The following TECTA variants were observed in gnomAD, a reference collection of about 807,000 sequenced individuals.
TECTA encodes tectorin alpha.
TECTA carries 128 observed loss-of-function variants against 216.8 expected under a neutral mutation model. The ratio of observed to expected loss-of-function variants is 0.59; its 90% CI spans 0.51 to 0.68. The LOEUF is 0.68. Ranked by LOEUF, TECTA falls within the 30% of genes least tolerant of loss-of-function variation. The probability of loss-of-function intolerance (pLI) is 0.00; values close to 1 mark genes in which losing one functional copy is unlikely to be tolerated. For synonymous variants in TECTA, 1,089 were observed against 1,117.1 expected (o/e 0.97, Z 0.50); for missense variants, 2,551 against 2,786.2 (o/e 0.92, Z 1.90).
intron 20 of TECTA, among the ~76,000 whole-genome samples, chr11:121,175,982 G>T (rs1157738108): frequency 6.6e-6 from 1 of 151,516 alleles, no homozygotes; most frequent in Non-Finnish European, 1.5e-5. Flanking sequence ...TTGGTTTAAA[G>T]TCTGTTTTAT....
intron 2 of TECTA, among the ~76,000 whole-genome samples, chr11:121,104,805 C>T (rs568779514): frequency 7.9e-5 from 12 of 151,704 alleles, no homozygotes; most frequent in East Asian, 5.8e-4. Flanking sequence ...GAAGTGTGGC[C>T]GATGCCCAGC....
Position 121,190,942 on chromosome 11 carries a change from G to A in TECTA, c.*136G>A, listed in dbSNP as rs1947335042. 2 of 695,644 alleles carry A rather than the reference G, an allele frequency of 2.9e-6. No homozygotes were observed. The highest frequency in any genetic ancestry group is 4.3e-5 in the Admixed American group (2 of 46,622). 43.1% of individuals were successfully genotyped at this position (695,644 alleles called of 1,614,324 possible). On this transcript the variant is annotated 3_prime_UTR_variant, in exon 24 of 24. Transcript: ENST00000392793. ...AAAATGATGCCACCTGCCTCCAATG[G>A]TCCAAGGTCCAGAAACCAGCGACCA...
chr11:121,137,872 C>G lies in TECTA; in HGVS notation c.3393C>G (p.Ser1131Arg). ...CACTCATCCTGTGCACCACAGGAAG[C>G]AGGCCAAGCTCAGACTCTTTCCCCA... ...SCPLILCTTG[S>R]RPSSDSFPKF... Residue 1131 changes from serine to arginine, a missense_variant, in exon 11 of 24, where the codon AGC (serine) becomes AGG (arginine). By Grantham distance (110) the Ser-to-Arg change is moderately radical. Around this residue, in one of 3 missense-constraint regions of TECTA, gnomAD observed 2,375 missense variants for 2,563.9 expected, o/e 0.93. Transcript: ENST00000392793. 8 of 1,604,450 alleles carry G rather than the reference C, an allele frequency of 5.0e-6. No homozygotes were observed. The highest frequency in any genetic ancestry group is 5.1e-6 in the Non-Finnish European group (6 of 1,172,572).
intron 18 of TECTA, among the ~76,000 whole-genome samples, 159 bp from the exon 19 acceptor site, chr11:121,167,895 C>T (rs1288652108): frequency 6.6e-6 from 1 of 151,840 alleles, no homozygotes; most frequent in Non-Finnish European, 1.5e-5. Flanking sequence ...TTTTTTTCCC[C>T]CAAGTAAATG....
At chr11:121,122,942 T>G (rs1946573509) in intron 7 of TECTA, among the ~76,000 whole-genome samples, 1 of 152,148 alleles carries the variant, frequency 6.6e-6, no homozygotes, top group African/African-American at 2.4e-5. Flanking sequence ...TACATTGTAG[T>G]GAATGGACCA....
chr11:121,186,893 A>G (rs1260021051), intron 20 of TECTA, among the ~76,000 whole-genome samples: 2 of 152,294 alleles, frequency 1.3e-5, no homozygotes, highest in African/African-American at 4.8e-5. Context: ...CCATTTGTTC[A>G]CTCATTCATT....
At chr11:121,133,474 A>C (rs191982534) in intron 10 of TECTA, among the ~76,000 whole-genome samples, 8 of 152,374 alleles carry the variant, frequency 5.3e-5, no homozygotes, top group Admixed American at 1.3e-4. Context: ...TGGGGAACTC[A>C]GTACAGACCT....
Position 121,113,273 on chromosome 11 carries a change from C to T in TECTA, c.624+64C>T. 2.5e-6 allele frequency: 4 copies of T among 1,611,198 alleles called. No homozygotes were observed. Among genetic ancestry groups the T allele is most frequent in the Non-Finnish European group, 3.4e-6 (4 of 1,179,742 alleles). ...CGCTGCACTCTCTGCTTCTGTGGCT[C>T]AGCATCCTGGAGGGAATCCTGCCAC... On this transcript the variant is annotated intron_variant, in intron 5 of 23. Coordinates refer to ENST00000392793, the MANE Select transcript of TECTA (RefSeq NM_005422.4). The surrounding 1 kb of genome is among the most constrained non-coding windows in gnomAD (Gnocchi z 4.2).
At chr11:121,180,395 T>C (rs1237194895) in intron 20 of TECTA, among the ~76,000 whole-genome samples, 1 of 152,058 alleles carries the variant, frequency 6.6e-6, no homozygotes, top group Non-Finnish European at 1.5e-5. Context: ...GGGTATAGTA[T>C]TCTTGATTAG....
Position 121,153,021 on chromosome 11 carries a change from G to T in TECTA, c.4246G>T (p.Gly1416Cys). The T allele has an allele frequency of 6.2e-7, 1 of 1,614,170 alleles. No individual in the cohort carries two copies. The highest frequency in any genetic ancestry group is 8.5e-7 in the Non-Finnish European group (1 of 1,180,042). Residue 1416 changes from glycine to cysteine, a missense_variant, in exon 13 of 24, where the codon GGC (glycine) becomes TGC (cysteine). Gly to Cys is a radical substitution (Grantham distance 159, BLOSUM62 -3). This residue lies in a region of TECTA where 2,375 missense variants were observed against 2,563.9 expected (regional missense o/e 0.93). Transcript: ENST00000392793. Reference sequence around the variant, plus strand: ...CTGCGACGCTGGCTACGTCCTCAACGGCAAGAGCTGCATCCTGCCCCACAG... The same window carrying T: ...CTGCGACGCTGGCTACGTCCTCAACTGCAAGAGCTGCATCCTGCCCCACAG... Reference protein sequence around the residue: ...CHCDAGYVLNGKSCILPHSCG... With the variant: ...CHCDAGYVLNCKSCILPHSCG...
At position 121,190,049 on chromosome 11, in the gene TECTA, T is replaced by TAAAC. The variant is rs370792336; in HGVS notation, c.6367+184_6367+187dup. 1.2e-3 allele frequency: 741 copies of TAAAC among 636,570 alleles called. 6 individuals carry two copies. Among genetic ancestry groups the TAAAC allele is most frequent in the African/African-American group, 0.011 (607 of 54,492 alleles). 39.4% of individuals were successfully genotyped at this position (636,570 alleles called of 1,614,324 possible). A position where few individuals can be genotyped will look rare whatever the true frequency, so the allele number is the denominator to read the frequency against. On this transcript the variant is annotated intron_variant, in intron 23 of 23. Transcript: ENST00000392793. Reference sequence around the variant, plus strand: ...CATGCCCAAGGAATTCTAGGGCCATTAAACAAACAAACAAACAACAACAAC... The same window carrying TAAAC: ...CATGCCCAAGGAATTCTAGGGCCATTAAACAAACAAACAAACAAACAACAACAAC...
intron 20 of TECTA, among the ~76,000 whole-genome samples, chr11:121,177,951 C>A (rs1006121574): frequency 2.0e-5 from 3 of 152,218 alleles, no homozygotes; most frequent in African/African-American, 4.8e-5. Flanking sequence ...TACCAATCAG[C>A]GAGACTCTGT....
rs181791988 is a variant in TECTA at position 121,132,386 on chromosome 11, C to T, written c.2941+2175C>T. ...ATCATTCGTTGCTTTCCACGAGGCA[C>T]GATGTACTCCGGGCTCATCTTGTAC... On this transcript the variant is annotated intron_variant, in intron 10 of 23. Coordinates refer to ENST00000392793, the MANE Select transcript of TECTA (RefSeq NM_005422.4). 1.8e-3 allele frequency among the ~76,000 whole-genome samples: 270 copies of T among 152,306 alleles called. 1 individual carries two copies. The highest frequency in any genetic ancestry group is 6.8e-3 in the Middle Eastern group (2 of 294).
At chr11:121,161,933 A>G (rs1947003897) in intron 15 of TECTA, 142 bp from the exon 16 acceptor site, 1 of 958,926 alleles carries the variant, frequency 1.0e-6, no homozygotes, top group African/African-American at 1.6e-5. Context: ...GACTAGCAGT[A>G]TCTTACTTGC....
At chr11:121,103,605 A>G (rs552663235) in intron 2 of TECTA, among the ~76,000 whole-genome samples, 1 of 152,196 alleles carries the variant, frequency 6.6e-6, no homozygotes, top group Non-Finnish European at 1.5e-5. Context: ...CTGGAAACAT[A>G]GCTATGTTTA....
At chr11:121,123,797 A>G (rs1317891227) in intron 7 of TECTA, among the ~76,000 whole-genome samples, 8 of 152,234 alleles carry the variant, frequency 5.3e-5, no homozygotes, top group Admixed American at 2.0e-4. Context: ...CAAAGTCTTT[A>G]CAATGGCTGA....
chr11:121,129,668 T>G lies in TECTA; in HGVS notation c.2398T>G (p.Phe800Val), dbSNP rs1247039679. 3 of 1,614,218 alleles carry G rather than the reference T, an allele frequency of 1.9e-6. No individual in the cohort carries two copies. The highest frequency in any genetic ancestry group is 2.5e-6 in the Non-Finnish European group (3 of 1,180,034). Residue 800 changes from phenylalanine to valine, a missense_variant, in exon 10 of 24, where the codon TTC (phenylalanine) becomes GTC (valine). Phe to Val is a conservative substitution (Grantham distance 50). Transcript: ENST00000392793. ...LNGQEVELPF[F>V]HPSGKLEIYR... is the part of the protein sequence containing the mutation. Reference sequence around the variant, plus strand: ...TGGTCAGGAAGTGGAATTGCCTTTTTTCCATCCTTCGGGGAAGCTGGAAAT... The same window carrying G: ...TGGTCAGGAAGTGGAATTGCCTTTTGTCCATCCTTCGGGGAAGCTGGAAAT...
intron 7 of TECTA, among the ~76,000 whole-genome samples, chr11:121,125,101 G>T (rs1049452069): frequency 6.6e-6 from 1 of 152,228 alleles, no homozygotes; most frequent in Admixed American, 6.5e-5. Context: ...TACACAGTGC[G>T]TGGGCTGGCC....
At position 121,137,932 on chromosome 11, in the gene TECTA, C is replaced by T. The variant is rs752178201; in HGVS notation, c.3453C>T (p.Asp1151=). The part of the protein sequence containing the change: ...FVVTAKNEDR[D]PSLALWVKQV... Reference sequence around the variant, plus strand: ...TCACAGCCAAGAATGAGGACCGGGACCCGTCACTGGCCTTGTGGGTTAAGC... The same window carrying T: ...TCACAGCCAAGAATGAGGACCGGGATCCGTCACTGGCCTTGTGGGTTAAGC... The change falls in exon 11 of 24, where the codon GAC becomes GAT. Residue 1151 remains aspartate, a synonymous_variant. Transcript: ENST00000392793. The T allele has an allele frequency of 4.4e-6, 7 of 1,608,788 alleles. No individual in the cohort carries two copies. In the East Asian group the frequency reaches 1.6e-4, roughly 36 times the overall value.
Sources: allele counts gnomAD v4.1 joint callset (sites outside exome capture counted in the v4.1 genomes callset), GRCh38; gene constraint gnomAD v4.1.1; regional missense constraint gnomAD v4.1.1; non-coding constraint Gnocchi (gnomAD v3.1); transcripts MANE v1.5; gene names NCBI Gene and HGNC (gene_info 2026-07-23, HGNC 2026-07-21).